Variants in PTPRD observed in about 807,000 individuals in gnomAD.
The protein encoded by PTPRD is receptor-type tyrosine-protein phosphatase delta.
PTPRD carries 34 observed loss-of-function variants against 214.5 expected under a neutral mutation model. The observed-to-expected ratio is 0.16, with a 90% confidence interval of 0.12 to 0.21. PTPRD has a LOEUF of 0.21. PTPRD is among the 10% of genes least tolerant of loss of function. The pLI is 1.00. For synonymous variants in PTPRD, 1,128 were observed against 845.7 expected, an observed-to-expected ratio of 1.33 and a Z score of -5.79; for missense variants, 2,545 against 2,398.7, an observed-to-expected ratio of 1.06 and a Z score of -1.27.
chr9:8,642,105 A>T (rs2096589623), intron 12 of PTPRD, among the ~76,000 whole-genome samples: 2 of 152,212 alleles, frequency 1.3e-5, no homozygotes, highest in Non-Finnish European at 2.9e-5. Flanking sequence ...AATTTATGAG[A>T]AATTCCTAAA....
intron 10 of PTPRD, among the ~76,000 whole-genome samples, chr9:9,035,037 A>T (rs1409866313): frequency 6.6e-6 from 1 of 152,024 alleles, no homozygotes; most frequent in Non-Finnish European, 1.5e-5. Flanking sequence ...TGGCTCATAG[A>T]GTCTGGATTC....
chr9:8,392,953 A>C (rs780724430), intron 36 of PTPRD, among the ~76,000 whole-genome samples: 1 of 152,198 alleles, frequency 6.6e-6, no homozygotes, highest in Non-Finnish European at 1.5e-5. Flanking sequence ...TCAGCAGTCC[A>C]TTTCAAGTAG....
In PTPRD at chr9:10,299,765, CTAAA is replaced by C. The variant is rs558516854; in HGVS notation, c.-545+41194_-545+41197del. ...AGAACTGATAATACAGTCAAGCAAACTAAATATTTGCATATGAATGGTAAGGCAA... is the reference window on the plus strand; with the variant it reads ...AGAACTGATAATACAGTCAAGCAAACTATTTGCATATGAATGGTAAGGCAA... On this transcript the variant is annotated intron_variant, in intron 3 of 45. Transcript: ENST00000381196. Among the ~76,000 whole-genome samples, 325 of 152,204 alleles carry C rather than the reference CTAAA, an allele frequency of 2.1e-3. 5 individuals are homozygous for C. In the Middle Eastern group the frequency reaches 0.024, roughly 11 times the overall value.
intron 4 of PTPRD, among the ~76,000 whole-genome samples, chr9:10,008,733 G>A (rs567936480): frequency 2.0e-5 from 3 of 151,976 alleles, no homozygotes; most frequent in African/African-American, 7.2e-5. Context: ...CTGGTATTAG[G>A]AATAAAGCTT....
intron 3 of PTPRD, among the ~76,000 whole-genome samples, chr9:10,297,577 T>C (rs1367634781): frequency 7.6e-6 from 1 of 130,976 alleles, no homozygotes; most frequent in Admixed American, 7.8e-5. Context: ...TGTAATGAGT[T>C]GTGTTTTTTT....
chr9:9,204,875 A>G (rs1593502936), intron 9 of PTPRD, among the ~76,000 whole-genome samples: 1 of 152,196 alleles, frequency 6.6e-6, no homozygotes, highest in Admixed American at 6.6e-5. Flanking sequence ...ACAAAACAAT[A>G]TGCAGAACTA....
intron 2 of PTPRD, among the ~76,000 whole-genome samples, chr9:10,529,342 G>A (rs1174713982): frequency 6.6e-6 from 1 of 152,010 alleles, no homozygotes; most frequent in Non-Finnish European, 1.5e-5. Flanking sequence ...AGGTTAGACT[G>A]GATAAACAAT....
At chr9:9,654,738 T>C (rs559967634) in intron 7 of PTPRD, among the ~76,000 whole-genome samples, 3 of 152,294 alleles carry the variant, frequency 2.0e-5, no homozygotes, top group Admixed American at 6.5e-5. Context: ...CATTGTCAAT[T>C]GATATCTGCA....
At chr9:10,358,032 C>G (rs531069810) in intron 2 of PTPRD, among the ~76,000 whole-genome samples, 11 of 152,146 alleles carry the variant, frequency 7.2e-5, no homozygotes, top group Non-Finnish European at 1.6e-4. Flanking sequence ...GTGCTCAATA[C>G]TTGGATGAGA....
chr9:10,349,905 GCCCACCTCGT>G (rs894642793), intron 2 of PTPRD, among the ~76,000 whole-genome samples: 15 of 151,994 alleles, frequency 9.9e-5, no homozygotes, highest in African/African-American at 3.4e-4. Context: ...CAGGTGGTCG[GCCCACCTCGT>G]CCCCCAAAGT....
chr9:9,783,234 G>C (rs1031623019), intron 5 of PTPRD, among the ~76,000 whole-genome samples: 1 of 152,108 alleles, frequency 6.6e-6, no homozygotes, highest in East Asian at 1.9e-4. Context: ...CCCATTATAG[G>C]AGATGTGCAT....
In PTPRD at chr9:10,054,921, T is replaced by C. The variant is rs577246688; in HGVS notation, c.-544-21131A>G. On this transcript the variant is annotated intron_variant, in intron 3 of 45. Transcript: ENST00000381196. ...ATTTGGGGGTGGGGTCTTTAGGAGA[T>C]AATTAGGTTTAGACGATGTCATGAG... 1.4e-3 allele frequency among the ~76,000 whole-genome samples: 210 copies of C among 152,208 alleles called. 3 individuals carry two copies. Among genetic ancestry groups the C allele is most frequent in the Middle Eastern group, 3.4e-3 (1 of 294 alleles).
chr9:9,043,377 G>C (rs1318239121), intron 10 of PTPRD, among the ~76,000 whole-genome samples: 1 of 152,120 alleles, frequency 6.6e-6, no homozygotes, highest in Admixed American at 6.5e-5. Context: ...CCTGTAGATA[G>C]GTGTCACCAT....
intron 3 of PTPRD, among the ~76,000 whole-genome samples, chr9:10,167,120 C>CT (rs1564268160): frequency 6.1e-5 from 8 of 130,702 alleles, no homozygotes; most frequent in African/African-American, 2.1e-4. Context: ...TAAAAGTAGA[C>CT]CTTTTTTTTT....
intron 45 of PTPRD, 85 bp from the exon 46 acceptor site, chr9:8,318,027 C>T: frequency 7.9e-7 from 1 of 1,270,072 alleles, no homozygotes; most frequent in East Asian, 2.4e-5. Flanking sequence ...TATTGCATAA[C>T]AAAATAACAT....
intron 11 of PTPRD, among the ~76,000 whole-genome samples, chr9:8,802,693 A>G (rs139588834): frequency 6.6e-6 from 1 of 152,136 alleles, no homozygotes; most frequent in African/African-American, 2.4e-5. Flanking sequence ...ACAACCCACA[A>G]CTAACATTTA....
rs189716261 is a variant in PTPRD at position 8,559,346 on chromosome 9, G to A, written c.353-30567C>T. On this transcript the variant is annotated intron_variant, in intron 14 of 45. Coordinates refer to ENST00000381196, the MANE Select transcript of PTPRD (RefSeq NM_002839.4). ...TTATTGTACATTATATACAGATATC[G>A]AAATATCACATATACCTCTCAAATA... is the stretch of plus-strand genomic sequence containing the variant. 4.0e-3 allele frequency among the ~76,000 whole-genome samples: 603 copies of A among 152,158 alleles called. 7 individuals carry two copies. The highest frequency in any genetic ancestry group is 0.033 in the South Asian group (160 of 4,818).
At chr9:10,063,802 C>T (rs936649622) in intron 3 of PTPRD, among the ~76,000 whole-genome samples, 5 of 151,934 alleles carry the variant, frequency 3.3e-5, no homozygotes, top group Admixed American at 3.3e-4. Context: ...GACTGTGAAA[C>T]ATCTATTGCA....
At chr9:8,637,459 G>C (rs1343289331) in intron 12 of PTPRD, among the ~76,000 whole-genome samples, 1 of 152,138 alleles carries the variant, frequency 6.6e-6, no homozygotes, top group Non-Finnish European at 1.5e-5. Context: ...GATGAGTCAA[G>C]AAGCCTCCAA....
Sources: gnomAD v4.1 joint callset for allele counts (sites outside exome capture counted in the v4.1 genomes callset) on GRCh38, gnomAD v4.1.1 for gene constraint, MANE v1.5 for transcripts, NCBI Gene and HGNC (gene_info 2026-07-23, HGNC 2026-07-21) for gene names.